VPS13B: variants seen among roughly 807,000 people sequenced by gnomAD.
The protein encoded by VPS13B is vacuolar protein sorting 13 homolog B, also known as intermembrane lipid transfer protein VPS13B.
Under a neutral mutation model 426.4 loss-of-function variants are expected in VPS13B, and 285 were observed. The observed-to-expected ratio is 0.67, with a 90% CI of 0.61 to 0.74. The LOEUF (loss-of-function observed/expected upper bound fraction) is 0.74, where lower values mean the gene tolerates loss of function less well. VPS13B is among the 30% of genes least tolerant of loss of function. The pLI is 0.00. For synonymous variants in VPS13B, 1,676 were observed against 1,676.4 expected (o/e 1.00, Z 0.01); for missense variants, 4,537 against 4,782.6 (o/e 0.95, Z 1.51).
intron 17 of VPS13B, among the ~76,000 whole-genome samples, chr8:99,197,464 A>C (rs181264877): frequency 9.2e-5 from 14 of 151,826 alleles, no homozygotes; most frequent in African/African-American, 3.4e-4. Context: ...TTACTGATTC[A>C]CTCTTCTTAC....
At chr8:99,605,517 T>G (rs558967767) in intron 33 of VPS13B, among the ~76,000 whole-genome samples, 71 of 152,374 alleles carry the variant, frequency 4.7e-4, no homozygotes, top group African/African-American at 1.5e-3. Flanking sequence ...CCTCAACATT[T>G]TAGAAGAGTT....
Position 99,208,902 on chromosome 8 carries a change from T to G in VPS13B, c.2515+15845T>G, listed in dbSNP as rs563265191. Reference sequence around the variant, plus strand: ...ACAGGTTTAAAAGCTGTTGAAGATATTTTTACAAGGCTACTGAGTAGTAAA... The same window carrying G: ...ACAGGTTTAAAAGCTGTTGAAGATAGTTTTACAAGGCTACTGAGTAGTAAA... On this transcript the variant is annotated intron_variant, in intron 17 of 61. Coordinates refer to ENST00000357162, the MANE Select transcript of VPS13B (RefSeq NM_152564.5). Among the ~76,000 whole-genome samples the G allele has an allele frequency of 5.3e-5, 8 of 152,306 alleles. No individual in the cohort carries two copies. In the South Asian group the frequency reaches 1.0e-3, roughly 20 times the overall value.
At chr8:99,197,702 C>T (rs1230705222) in intron 17 of VPS13B, among the ~76,000 whole-genome samples, 2 of 151,992 alleles carry the variant, frequency 1.3e-5, no homozygotes, top group Non-Finnish European at 2.9e-5. Context: ...TTTTCTTAGT[C>T]TATTGAAGGG....
intron 33 of VPS13B, among the ~76,000 whole-genome samples, chr8:99,601,468 ATGTGTCT>A (rs1827297184): frequency 6.6e-6 from 1 of 152,150 alleles, no homozygotes; most frequent in Admixed American, 6.5e-5. Flanking sequence ...ATACGTGTGC[ATGTGTCT>A]TTATAGTAGA....
chr8:99,468,241 G>A (rs1380974594), intron 24 of VPS13B, among the ~76,000 whole-genome samples: 1 of 152,052 alleles, frequency 6.6e-6, no homozygotes, highest in Non-Finnish European at 1.5e-5. Flanking sequence ...GTGAGAACAT[G>A]CAGTGTTTGG....
At position 99,809,485 on chromosome 8, in the gene VPS13B, T is replaced by C. The variant is rs1322251663; in HGVS notation, c.8052T>C (p.Ala2684=). The change falls in exon 44 of 62, where the codon GCT becomes GCC. Residue 2684 remains alanine, a synonymous_variant. Coordinates refer to ENST00000357162, the MANE Select transcript of VPS13B (RefSeq NM_152564.5). ...IRTIQYRGRT[A]SLIIKVQQLN... ...CAATTCAGTACAGGGGTCGAACTGC[T>C]TCTCTCATCATCAAGGTTCAGCAAC... The C allele has an allele frequency of 6.2e-7, 1 of 1,614,068 alleles. No individual in the cohort carries two copies. Among genetic ancestry groups the C allele is most frequent in the Non-Finnish European group, 8.5e-7 (1 of 1,179,978 alleles).
At chr8:99,549,045 G>A (rs933228649) in intron 30 of VPS13B, among the ~76,000 whole-genome samples, 12 of 151,970 alleles carry the variant, frequency 7.9e-5, no homozygotes, top group Non-Finnish European at 2.9e-5. Context: ...ATCTACAGAG[G>A]AGATACATTG....
intron 19 of VPS13B, among the ~76,000 whole-genome samples, chr8:99,363,046 T>A (rs1426140489): frequency 6.6e-6 from 1 of 152,212 alleles, no homozygotes; most frequent in Non-Finnish European, 1.5e-5. Context: ...CGATTTTTGC[T>A]TGTGGGGTAT....
chr8:99,261,290 C>T (rs1223314636), intron 17 of VPS13B, among the ~76,000 whole-genome samples: 6 of 152,106 alleles, frequency 3.9e-5, no homozygotes, highest in African/African-American at 1.4e-4. Flanking sequence ...ATCCTATCCC[C>T]CACCAGCCAA....
intron 39 of VPS13B, among the ~76,000 whole-genome samples, chr8:99,751,552 CTCGCTGA>C (rs1246822566): frequency 6.6e-6 from 1 of 152,106 alleles, no homozygotes; most frequent in African/African-American, 2.4e-5. Flanking sequence ...GTCTGTCTGC[CTCGCTGA>C]TCGTTGTATC....
chr8:99,410,535 A>ATTATTTAT lies in VPS13B; in HGVS notation c.3082+18865_3082+18872dup, dbSNP rs202087477. Among the ~76,000 whole-genome samples the ATTATTTAT allele has an allele frequency of 3.3e-3, 497 of 149,060 alleles. 2 individuals carry two copies. Among genetic ancestry groups the ATTATTTAT allele is most frequent in the African/African-American group, 5.2e-3 (210 of 40,448 alleles). Reference sequence around the variant, plus strand: ...AATTCAATCTTGCTGTGTTACCAGAATTATTTATTTATTTATTTATTTATT... The same window carrying ATTATTTAT: ...AATTCAATCTTGCTGTGTTACCAGAATTATTTATTTATTTATTTATTTATTTATTTATT... On this transcript the variant is annotated intron_variant, in intron 21 of 61. Transcript: ENST00000357162.
chr8:99,803,390 A>T (rs911378985), intron 43 of VPS13B, among the ~76,000 whole-genome samples: 1 of 152,192 alleles, frequency 6.6e-6, no homozygotes, highest in Admixed American at 6.5e-5. Context: ...TATCACGACA[A>T]TGCAGCCTCC....
chr8:99,638,411 G>A (rs529060646), intron 33 of VPS13B, among the ~76,000 whole-genome samples: 284 of 152,232 alleles, frequency 1.9e-3, no homozygotes, highest in African/African-American at 6.0e-3. Flanking sequence ...AACATACTCA[G>A]TGGTATTTTA....
chr8:99,744,227 A>G (rs1402958854), intron 39 of VPS13B, among the ~76,000 whole-genome samples: 4 of 152,234 alleles, frequency 2.6e-5, no homozygotes, highest in African/African-American at 7.2e-5. Flanking sequence ...AATGCTCATC[A>G]TCACTGGCCA....
At chr8:99,519,604 A>G (rs190424852) in intron 29 of VPS13B, among the ~76,000 whole-genome samples, 8 of 152,284 alleles carry the variant, frequency 5.3e-5, no homozygotes, top group Admixed American at 3.3e-4. Flanking sequence ...CATATATACC[A>G]TGGAAGACTA....
intron 25 of VPS13B, among the ~76,000 whole-genome samples, chr8:99,501,324 G>T (rs758676253): frequency 2.6e-5 from 4 of 152,126 alleles, no homozygotes; most frequent in Admixed American, 2.0e-4. Flanking sequence ...TACATGAACG[G>T]ATTTGGCTGT....
intron 23 of VPS13B, among the ~76,000 whole-genome samples, chr8:99,450,682 C>T (rs1818149672): frequency 6.6e-6 from 1 of 152,104 alleles, no homozygotes; most frequent in Non-Finnish European, 1.5e-5. Flanking sequence ...CACCACACTC[C>T]AGCCTGGTGA....
At chr8:99,474,888 C>T (rs1408060140) in intron 24 of VPS13B, among the ~76,000 whole-genome samples, 1 of 152,140 alleles carries the variant, frequency 6.6e-6, no homozygotes, top group Non-Finnish European at 1.5e-5. Context: ...AGGTCTTTTA[C>T]ACAGATGTAT....
intron 17 of VPS13B, among the ~76,000 whole-genome samples, chr8:99,266,715 A>T (rs1818326069): frequency 6.6e-6 from 1 of 152,124 alleles, no homozygotes; most frequent in African/African-American, 2.4e-5. Flanking sequence ...TTCTTGTGAT[A>T]GTGAGTGAGT....
Sources: gnomAD v4.1 joint callset for allele counts (sites outside exome capture counted in the v4.1 genomes callset) on GRCh38, gnomAD v4.1.1 for gene constraint, MANE v1.5 for transcripts, NCBI Gene and HGNC (gene_info 2026-07-23, HGNC 2026-07-21) for gene names.